Variants in ZNF485 observed in about 807,000 individuals in gnomAD.
The protein encoded by ZNF485 is Zinc finger protein 93 (Zinc finger protein HTF34).
ZNF485 carries 9 observed loss-of-function variants against 10.8 expected under a neutral mutation model. That is an observed-to-expected ratio of 0.83 (90% CI 0.50 to 1.45). The LOEUF is 1.45. ZNF485 is among the 40% of genes most tolerant of loss of function. The pLI is 0.00. For synonymous variants in ZNF485, 187 were observed against 181.0 expected (o/e 1.03, Z -0.27); for missense variants, 487 against 528.0 (o/e 0.92, Z 0.76).
chr10:43,616,741 A>G lies in ZNF485; in HGVS notation c.698A>G (p.Gln233Arg). ...AAGAACTCAATCCTTTTAAGTCATC[A>G]GAGAATTCATACTGGCCAGAAACCC... Reference protein sequence around the residue: ...FRKNSILLSHQRIHTGQKPYK... With the variant: ...FRKNSILLSHRRIHTGQKPYK... Residue 233 changes from glutamine (Q) to arginine (R), a missense_variant, in exon 5 of 5, where the codon CAG becomes CGG. Physicochemically the swap from Gln to Arg is conservative, Grantham distance 43. Coordinates refer to ENST00000361807, the MANE Select transcript of ZNF485 (RefSeq NM_145312.4). 5 of 1,614,154 alleles carry G rather than the reference A, an allele frequency of 3.1e-6. No individual in the cohort carries two copies. Among genetic ancestry groups the G allele is most frequent in the South Asian group, 1.1e-5 (1 of 91,084 alleles).
chr10:43,612,381 AT>A (rs1288005859), intron 4 of ZNF485, among the ~76,000 whole-genome samples: 1 of 151,950 alleles, frequency 6.6e-6, no homozygotes, highest in African/African-American at 2.4e-5. Context: ...TTCATAAAAC[AT>A]TTTTTTGGTC....
chr10:43,617,102 G>A lies in ZNF485; in HGVS notation c.1059G>A (p.Pro353=), dbSNP rs141606024. The stretch of plus-strand genomic sequence containing the variant: ...AGAAAACTCACAGTGGAAATAAACC[G>A]TATCAGTGTCGTGACTGTGGGAAGG... The part of the protein sequence containing the change: ...GHQKTHSGNK[P]YQCRDCGKAF... The change falls in exon 5 of 5, where the codon CCG becomes CCA. Residue 353 remains proline, a synonymous_variant. Transcript: ENST00000361807. The A allele has an allele frequency of 1.1e-3, 1,778 of 1,614,036 alleles. 4 individuals carry two copies. Among genetic ancestry groups the A allele is most frequent in the Non-Finnish European group, 1.4e-3 (1,634 of 1,179,982 alleles).
Position 43,608,713 on chromosome 10 carries a change from G to A in ZNF485, c.124G>A (p.Glu42Lys). The change falls in exon 3 of 5, where the codon GAG becomes AAG. Residue 42 changes from glutamate to lysine, a missense_variant. By Grantham distance (56) the Glu-to-Lys change is moderately conservative (BLOSUM62 1). Coordinates refer to ENST00000361807, the MANE Select transcript of ZNF485 (RefSeq NM_145312.4). Reference protein sequence around the residue: ...QRALYRDVMLENYGNLVSVGL... With the variant: ...QRALYRDVMLKNYGNLVSVGL... ...GGCCCTGTACAGGGATGTGATGCTG[G>A]AGAACTATGGGAATCTGGTGTCTGT... 1 of 1,614,174 alleles carries A rather than the reference G, an allele frequency of 6.2e-7. No individual in the cohort carries two copies. The highest frequency in any genetic ancestry group is 1.3e-5 in the African/African-American group (1 of 75,060).
At chr10:43,613,723 T>G (rs1838806389) in intron 4 of ZNF485, among the ~76,000 whole-genome samples, 1 of 152,262 alleles carries the variant, frequency 6.6e-6, no homozygotes, top group South Asian at 2.1e-4. Flanking sequence ...TGTATTCAGC[T>G]TTAGTATATA....
intron 2 of ZNF485, 43 bp from the exon 3 acceptor site, chr10:43,608,571 C>A: frequency 1.3e-6 from 2 of 1,574,966 alleles, no homozygotes; most frequent in East Asian, 2.3e-5. Context: ...GGATGCCTCC[C>A]TCAGGGGTTC....
chr10:43,611,016 TTC>T (rs1053507181), intron 4 of ZNF485, among the ~76,000 whole-genome samples: 1 of 151,764 alleles, frequency 6.6e-6, no homozygotes, highest in African/African-American at 2.4e-5. Context: ...TGTTTAGAGC[TTC>T]TCTCTCTCTC....
At position 43,616,623 on chromosome 10, in the gene ZNF485, T is replaced by C. The variant is rs760183095; in HGVS notation, c.580T>C (p.Phe194Leu). The change falls in exon 5 of 5, where the codon TTC (phenylalanine) becomes CTC (leucine). Residue 194 changes from phenylalanine (F) to leucine (L), a missense_variant. Coordinates refer to ENST00000361807, the MANE Select transcript of ZNF485 (RefSeq NM_145312.4). ...TTATAGATGTATTGAATGTGGGAAG[T>C]TCCTGAAGAAGCACTCAACGTTTAT... ...QPYRCIECGK[F>L]LKKHSTFINH... 6.2e-7 allele frequency: 1 copy of C among 1,614,170 alleles called. No homozygotes were observed. The highest frequency in any genetic ancestry group is 2.2e-5 in the East Asian group (1 of 44,884).
chr10:43,609,237 CT>C lies in ZNF485; in HGVS notation c.152-13del, dbSNP rs745870601. 7.0e-5 allele frequency: 111 copies of C among 1,594,044 alleles called. No individual in the cohort carries two copies. Among genetic ancestry groups the C allele is most frequent in the Non-Finnish European group, 8.7e-5 (102 of 1,167,862 alleles). ...ATTTTTTTTTTCTTCCTCTAAGATC[CT>C]TTTTCTTTATGAACAGGGCTTCTCT... On this transcript the variant is annotated splice_polypyrimidine_tract_variant and intron_variant, in intron 3 of 4. Transcript: ENST00000361807.
At chr10:43,607,964 AT>A (rs1838685621) in intron 2 of ZNF485, among the ~76,000 whole-genome samples, 1 of 152,230 alleles carries the variant, frequency 6.6e-6, no homozygotes, top group Non-Finnish European at 1.5e-5. Context: ...TACGGCAGAA[AT>A]TTAGAGAGAT....
At position 43,609,323 on chromosome 10, in the gene ZNF485, C is replaced by G. The variant is rs368421127; in HGVS notation, c.220C>G (p.Arg74Gly). ...AGGGGCAGAGCCCTGGACTGAGGTG[C>G]GAGAGGCTCCATCAGGCACACATGC... ...EQGAEPWTEV[R>G]EAPSGTHAVE... The change falls in exon 4 of 5, where the codon CGA becomes GGA. Residue 74 changes from arginine to glycine, a missense_variant. Physicochemically the swap from Arg to Gly is moderately radical, Grantham distance 125 (BLOSUM62 -2). Coordinates refer to ENST00000361807, the MANE Select transcript of ZNF485 (RefSeq NM_145312.4). 1.2e-6 allele frequency: 2 copies of G among 1,613,844 alleles called. No individual in the cohort carries two copies. Among genetic ancestry groups the G allele is most frequent in the Non-Finnish European group, 8.5e-7 (1 of 1,179,842 alleles).
intron 4 of ZNF485, among the ~76,000 whole-genome samples, chr10:43,613,449 T>G (rs1838801760): frequency 2.0e-5 from 3 of 152,276 alleles, no homozygotes; most frequent in Admixed American, 2.0e-4. Flanking sequence ...TGCCTCAGAA[T>G]GCATGCTGCA....
At chr10:43,615,303 G>A (rs1488302973) in intron 4 of ZNF485, among the ~76,000 whole-genome samples, 3 of 149,430 alleles carry the variant, frequency 2.0e-5, no homozygotes, top group East Asian at 2.3e-4. Flanking sequence ...TTTTCAGAAC[G>A]TTTTTGTCTG....
intron 4 of ZNF485, 75 bp downstream of exon 4, chr10:43,609,425 C>A: frequency 1.7e-6 from 2 of 1,142,858 alleles, no homozygotes; most frequent in South Asian, 1.3e-5. Flanking sequence ...GGAAGCTCAT[C>A]TTTGAGTGCC....
In ZNF485 at chr10:43,609,224, TTCCTCTAAGATCC is replaced by T; in HGVS notation, c.152-29_152-17del. 6.5e-7 allele frequency: 1 copy of T among 1,546,012 alleles called. No homozygotes were observed. On this transcript the variant is annotated intron_variant, in intron 3 of 4. Transcript: ENST00000361807. ...TTCCTTTTCATTCATTTTTTTTTTC[TTCCTCTAAGATCC>T]TTTTTCTTTATGAACAGGGCTTCTC...
At chr10:43,610,975 A>G (rs994659747) in intron 4 of ZNF485, among the ~76,000 whole-genome samples, 7 of 152,140 alleles carry the variant, frequency 4.6e-5, no homozygotes, top group African/African-American at 1.4e-4. Context: ...TTTGGCATTT[A>G]TGTCTTAGAA....
intron 4 of ZNF485, among the ~76,000 whole-genome samples, chr10:43,613,457 G>A (rs1333030163): frequency 6.6e-6 from 1 of 152,238 alleles, no homozygotes; most frequent in African/African-American, 2.4e-5. Flanking sequence ...AATGCATGCT[G>A]CAGTACAGTT....
intron 1 of ZNF485, 23 bp downstream of exon 1, chr10:43,606,569 G>T (rs1480660788): frequency 1.3e-5 from 4 of 300,388 alleles, no homozygotes; most frequent in Admixed American, 4.8e-5. Flanking sequence ...CCGGGGTCAG[G>T]CTGGGTCCCT....
intron 4 of ZNF485, 32 bp downstream of exon 4, chr10:43,609,382 T>G: frequency 6.4e-7 from 1 of 1,574,610 alleles, no homozygotes; most frequent in Non-Finnish European, 8.7e-7. Flanking sequence ...CAGCAGAAGC[T>G]GAGCACACGG....
chr10:43,614,045 C>G (rs1838811431), intron 4 of ZNF485, among the ~76,000 whole-genome samples: 1 of 152,086 alleles, frequency 6.6e-6, no homozygotes. Flanking sequence ...GAAGCCCTGT[C>G]TCTACTAAAA....
Sources: allele counts gnomAD v4.1 joint callset (sites outside exome capture counted in the v4.1 genomes callset), GRCh38; gene constraint gnomAD v4.1.1; transcripts MANE v1.5; gene names NCBI Gene and HGNC (gene_info 2026-07-23, HGNC 2026-07-21).